PARP2: variants seen among roughly 807,000 people sequenced by gnomAD.
PARP2 encodes the protein poly(ADP-ribose) polymerase 2.
In PARP2, 57 loss-of-function variants were observed where a neutral mutation model predicts 77.8. The observed-to-expected ratio is 0.73, with a 90% CI of 0.59 to 0.91. The LOEUF (loss-of-function observed/expected upper bound fraction) is 0.91, where lower values mean the gene tolerates loss of function less well. Among genes scored for constraint, PARP2 ranks in the 40% least tolerant of loss-of-function variants. The pLI is 0.00. For synonymous variants in PARP2, 226 were observed against 242.6 expected, an observed-to-expected ratio of 0.93 and a Z score of 0.64; for missense variants, 651 against 689.0, an observed-to-expected ratio of 0.94 and a Z score of 0.62.
Position 20,354,243 on chromosome 14 carries a change from A to G in PARP2, c.759A>G (p.Pro253=). ...MEMKYNTKKA[P]LGKLTVAQIK... Reference sequence around the variant, plus strand: ...TGAAGTATAATACCAAGAAAGCCCCACTTGGTAGGACTTCACATTTTCTTC... The same window carrying G: ...TGAAGTATAATACCAAGAAAGCCCCGCTTGGTAGGACTTCACATTTTCTTC... The change falls in exon 8 of 16, where the codon CCA becomes CCG. Residue 253 remains proline, a synonymous_variant. Coordinates refer to ENST00000429687, the MANE Select transcript of PARP2 (RefSeq NM_001042618.2). 2 of 1,609,194 alleles carry G rather than the reference A, an allele frequency of 1.2e-6. No homozygotes were observed. The highest frequency in any genetic ancestry group is 1.7e-6 in the Non-Finnish European group (2 of 1,176,376).
At chr14:20,344,310 A>G (rs1441443372) in intron 1 of PARP2, 1 of 153,016 alleles carries the variant, frequency 6.5e-6, no homozygotes, top group Non-Finnish European at 1.5e-5. Flanking sequence ...CCTTTATCCC[A>G]TACGGCCTCA....
chr14:20,353,465 G>T (rs879831089), intron 7 of PARP2, among the ~76,000 whole-genome samples: 4 of 151,278 alleles, frequency 2.6e-5, no homozygotes, highest in African/African-American at 7.3e-5. Context: ...GGATGGTCTC[G>T]ATCTCCTGAC....
At position 20,345,861 on chromosome 14, in the gene PARP2, CAGAG is replaced by C. The variant is rs892613424; in HGVS notation, c.273+401_273+404del. ...CAAAAGCAGGGGAGAGAGAGAGAGA[CAGAG>C]AGAAAGGGAGAGAGAGAGATTGGAG... is the stretch of plus-strand genomic sequence containing the variant. On this transcript the variant is annotated intron_variant, in intron 3 of 15. Coordinates refer to ENST00000429687, the MANE Select transcript of PARP2 (RefSeq NM_001042618.2). Among the ~76,000 whole-genome samples the C allele has an allele frequency of 5.3e-5, 8 of 151,246 alleles. 1 individual carries two copies. Among genetic ancestry groups the C allele is most frequent in the East Asian group, 3.9e-4 (2 of 5,158 alleles).
chr14:20,347,386 ATATATATATATATTTT>A (rs1566418408), intron 4 of PARP2, among the ~76,000 whole-genome samples: 8 of 15,260 alleles, frequency 5.2e-4, no homozygotes, highest in African/African-American at 1.8e-3. Context: ...ATATATATAT[ATATATATATATATTTT>A]TTTTTTTTTT....
chr14:20,344,170 A>G (rs1490655025), intron 1 of PARP2: 1 of 157,472 alleles, frequency 6.4e-6, no homozygotes, highest in Non-Finnish European at 1.4e-5. Flanking sequence ...CTAGAAGTAC[A>G]GTATTGTACA....
rs779597599 is a variant in PARP2, at chr14:20,343,675, G to T, written c.34G>T (p.Gly12Cys). 3 of 1,609,848 alleles carry T rather than the reference G, an allele frequency of 1.9e-6. No homozygotes were observed. The highest frequency in any genetic ancestry group is 2.5e-6 in the Non-Finnish European group (3 of 1,178,856). ...AARRRRSTGG[G>C]RARALNESKR... is the part of the protein sequence containing the mutation. ...GCGGCGGCGACGGAGCACCGGCGGC[G>T]GCAGGGCGAGAGGTTCGGAGCTCAA... The change falls in exon 1 of 16, where the codon GGC becomes TGC. Residue 12 changes from glycine (G) to cysteine (C), a missense_variant. Transcript: ENST00000429687.
rs1422007886 is a variant in PARP2 at position 20,355,881 on chromosome 14, T to C, written c.967-16T>C. 1 of 1,614,080 alleles carries C rather than the reference T, an allele frequency of 6.2e-7. No homozygotes were observed. Among genetic ancestry groups the C allele is most frequent in the Admixed American group, 1.7e-5 (1 of 60,028 alleles). ...CCAGTGTCCTCCCACATTGATTCTATATCTCATCTTCTCAGGCTTTGGGAG... is the reference window on the plus strand; with the variant it reads ...CCAGTGTCCTCCCACATTGATTCTACATCTCATCTTCTCAGGCTTTGGGAG... On this transcript the variant is annotated splice_polypyrimidine_tract_variant and intron_variant, in intron 10 of 15. Transcript: ENST00000429687.
rs898757585 is a variant in PARP2, at chr14:20,343,657, C to G, written c.16C>G (p.Arg6Gly). 1 of 1,610,536 alleles carries G rather than the reference C, an allele frequency of 6.2e-7. No individual in the cohort carries two copies. Among genetic ancestry groups the G allele is most frequent in the Non-Finnish European group, 8.5e-7 (1 of 1,179,060 alleles). Residue 6 changes from arginine to glycine, a missense_variant, in exon 1 of 16, where the codon CGA (arginine) becomes GGA (glycine). By Grantham distance (125) the Arg-to-Gly change is moderately radical (BLOSUM62 -2). Transcript: ENST00000429687. MAARRRRSTGGGRARA... is the reference protein window; with the variant it reads MAARRGRSTGGGRARA... ...TTCGAATTCCATGGCGGCGCGGCGG[C>G]GACGGAGCACCGGCGGCGGCAGGGC...
At chr14:20,355,271 C>A in intron 9 of PARP2, 1 of 221,176 alleles carries the variant, frequency 4.5e-6, no homozygotes, top group Non-Finnish European at 8.8e-6. Context: ...TAAAACCACA[C>A]AAACACCATT....
At chr14:20,343,829 T>A (rs2138908994) in intron 1 of PARP2, 142 bp downstream of exon 1, 1 of 861,890 alleles carries the variant, frequency 1.2e-6, no homozygotes, top group Non-Finnish European at 1.8e-6. Flanking sequence ...CTAAATTTTG[T>A]AAATTTCGGT....
At chr14:20,352,558 C>CTTTTTTTTTTTTT (rs374239476) in intron 7 of PARP2, 63 of 215,600 alleles carry the variant, frequency 2.9e-4, no homozygotes, top group South Asian at 5.5e-4. Flanking sequence ...GATTTTTTTT[C>CTTTTTTTTTTTTT]TTTTTTTTTT....
intron 7 of PARP2, among the ~76,000 whole-genome samples, chr14:20,353,425 A>G (rs539534636): frequency 2.0e-5 from 3 of 151,258 alleles, no homozygotes; most frequent in East Asian, 3.9e-4. Flanking sequence ...TTGTATTTTT[A>G]GTAGAGACGG....
chr14:20,348,699 C>T (rs1315020105), intron 4 of PARP2, among the ~76,000 whole-genome samples: 1 of 152,164 alleles, frequency 6.6e-6, no homozygotes, highest in East Asian at 1.9e-4. Context: ...ATTTCTTCTA[C>T]TTAAAATACC....
At chr14:20,348,811 G>T (rs3093895) in intron 4 of PARP2, among the ~76,000 whole-genome samples, 1 of 151,940 alleles carries the variant, frequency 6.6e-6, no homozygotes, top group Admixed American at 6.6e-5. Flanking sequence ...CCTGAGGTCG[G>T]GAGTTCAAGA....
chr14:20,346,750 G>C, intron 3 of PARP2, 113 bp from the exon 4 acceptor site: 1 of 719,184 alleles, frequency 1.4e-6, no homozygotes, highest in Admixed American at 1.9e-5. Flanking sequence ...GGAGATGAAT[G>C]TTGATGTTGC....
At chr14:20,350,943 C>T in intron 5 of PARP2, 104 bp from the exon 6 acceptor site, 3 of 860,258 alleles carry the variant, frequency 3.5e-6, no homozygotes, top group Non-Finnish European at 5.6e-6. Context: ...TCACCTTTCC[C>T]TTCTCCCTTT....
At position 20,357,721 on chromosome 14, in the gene PARP2, A is replaced by G. The variant is rs375443011; in HGVS notation, c.1637A>G (p.Tyr546Cys). 1.2e-6 allele frequency: 2 copies of G among 1,609,888 alleles called. No individual in the cohort carries two copies. Among genetic ancestry groups the G allele is most frequent in the African/African-American group, 1.3e-5 (1 of 74,870 alleles). The change falls in exon 16 of 16, where the codon TAT becomes TGT. Residue 546 changes from tyrosine (Y) to cysteine (C), a missense_variant. Transcript: ENST00000429687. Reference sequence around the variant, plus strand: ...GGTTATACCCTCAACTACAATGAATATATTGTATATAACCCCAACCAGGTC... The same window carrying G: ...GGTTATACCCTCAACTACAATGAATGTATTGTATATAACCCCAACCAGGTC... ...PDGYTLNYNE[Y>C]IVYNPNQVRM...
chr14:20,348,165 G>A (rs1210567671), intron 4 of PARP2, among the ~76,000 whole-genome samples: 2 of 151,934 alleles, frequency 1.3e-5, no homozygotes, highest in Non-Finnish European at 2.9e-5. Flanking sequence ...TGAGCCACTG[G>A]GACAAGCTGT....
rs1884103133 is a variant in PARP2, at chr14:20,355,242, C to A, written c.902+295C>A. 1.5e-5 allele frequency: 4 copies of A among 262,966 alleles called. No homozygotes were observed. The South Asian group carries it at 5.1e-4, about 34-fold the overall frequency. The allele number at this position is 262,966 out of a possible 1,614,324, so 16.3% of individuals were successfully genotyped here. ...AAAACACCTTCAGGCATATCACCCCCTTTTCCTATTTGAGTAACTAAAACC... is the reference window on the plus strand; with the variant it reads ...AAAACACCTTCAGGCATATCACCCCATTTTCCTATTTGAGTAACTAAAACC... On this transcript the variant is annotated intron_variant, in intron 9 of 15. Transcript: ENST00000429687.
Sources: allele counts gnomAD v4.1 joint callset (sites outside exome capture counted in the v4.1 genomes callset), GRCh38; gene constraint gnomAD v4.1.1; transcripts MANE v1.5; gene names NCBI Gene and HGNC (gene_info 2026-07-23, HGNC 2026-07-21).